The following TTN variants were observed in gnomAD, a reference collection of about 807,000 sequenced individuals.
The protein encoded by TTN is connectin.
TTN carries 1,525 observed loss-of-function variants against 3,223.0 expected under a neutral mutation model. That is an observed-to-expected ratio of 0.47 (90% confidence interval 0.45 to 0.49). The LOEUF (loss-of-function observed/expected upper bound fraction) is 0.49. Among genes scored for constraint, TTN ranks in the 20% least tolerant of loss-of-function variants. The probability of loss-of-function intolerance (pLI) is 0.00; values close to 1 mark genes in which losing one functional copy is unlikely to be tolerated. For missense variants in TTN, 40,786 were observed against 43,424.0 expected (o/e 0.94, Z 5.40); for synonymous variants, 14,094 against 15,161.0 (o/e 0.93, Z 5.17).
rs898421060 is a variant in TTN, at chr2:178,719,424, C to T, written c.23966G>A (p.Arg7989His). The change falls in exon 83 of 363, where the codon CGC becomes CAC. Residue 7989 changes from arginine to histidine, a missense_variant. Arg to His is a conservative substitution (Grantham distance 29). Transcript: ENST00000589042. ...SDRIVPPSFI[R>H]KLKDVNAILG... is the part of the protein sequence containing the mutation. ...GATGGCATTCACGTCTTTCAGCTTGCGGATGAAGGAAGGAGGCACAATCCG... is the reference window on the plus strand; with the variant it reads ...GATGGCATTCACGTCTTTCAGCTTGTGGATGAAGGAAGGAGGCACAATCCG... 13 of 1,612,700 alleles carry T rather than the reference C, an allele frequency of 8.1e-6. No homozygotes were observed. The highest frequency in any genetic ancestry group is 1.1e-5 in the South Asian group (1 of 91,024).
Position 178,751,776 on chromosome 2 carries a change from G to A in TTN, c.11311+1348C>T, listed in dbSNP as rs764724389. 2.2e-5 allele frequency: 36 copies of A among 1,612,908 alleles called. No homozygotes were observed. Among genetic ancestry groups the A allele is most frequent in the Middle Eastern group, 3.3e-4 (2 of 6,072 alleles). ...CGACGAAGACCTGTTGGGATGGGCC[G>A]ATTGTTATGAAACCAAGTCATTTCT... On this transcript the variant is annotated intron_variant, in intron 47 of 362. Transcript: ENST00000589042.
chr2:178,537,710 T>C lies in TTN; in HGVS notation c.99497A>G (p.Glu33166Gly). 1 of 1,613,812 alleles carries C rather than the reference T, an allele frequency of 6.2e-7. No individual in the cohort carries two copies. The highest frequency in any genetic ancestry group is 8.5e-7 in the Non-Finnish European group (1 of 1,179,774). Reference protein sequence around the residue: ...HTLTVMTEEQEDEGVYTCIAT... With the variant: ...HTLTVMTEEQGDEGVYTCIAT... ...TATGCAGGTATAAACACCTTCATCT[T>C]CCTGTTCCTCTGTCATTACTGTAAG... The change falls in exon 355 of 363, where the codon GAA becomes GGA. Residue 33166 changes from glutamate to glycine, a missense_variant. By Grantham distance (98) the Glu-to-Gly change is moderately conservative. Transcript: ENST00000589042.
chr2:178,779,667 C>T (rs1383684864), intron 22 of TTN, among the ~76,000 whole-genome samples: 1 of 152,152 alleles, frequency 6.6e-6, no homozygotes, highest in Non-Finnish European at 1.5e-5. Context: ...ATTCCAAAAG[C>T]AGGAGTTAGA....
Position 178,532,910 on chromosome 2 carries a change from T to A in TTN, c.103705A>T (p.Lys34569Ter), listed in dbSNP as rs1553490574. Residue 34569 changes from lysine (K) to a stop codon, truncating the protein, a stop_gained, in exon 358 of 363, where the codon AAG (lysine) becomes TAG (stop). Coordinates refer to ENST00000589042, the MANE Select transcript of TTN (RefSeq NM_001267550.2). LOFTEE classifies it high-confidence loss of function. Reference sequence around the variant, plus strand: ...TGATCACGTATCTTTTTATACCACTTCATGTCAGACATGGGCACGAACTGC... The same window carrying A: ...TGATCACGTATCTTTTTATACCACTACATGTCAGACATGGGCACGAACTGC... ...IKQFVPMSDM[K>*]WYKKIRDQYE... 4 of 1,613,972 alleles carry A rather than the reference T, an allele frequency of 2.5e-6. No homozygotes were observed. The highest frequency in any genetic ancestry group is 3.4e-6 in the Non-Finnish European group (4 of 1,179,870).
At chr2:178,691,185 T>C (rs2072319290) in intron 121 of TTN, among the ~76,000 whole-genome samples, 1 of 152,168 alleles carries the variant, frequency 6.6e-6, no homozygotes, top group South Asian at 2.1e-4. Flanking sequence ...GGGAACACTA[T>C]TCAAAATGTA....
Position 178,621,257 on chromosome 2 carries a change from C to T in TTN, c.45461G>A (p.Arg15154Lys). The change falls in exon 246 of 363, where the codon AGG (arginine) becomes AAG (lysine). Residue 15154 changes from arginine (R) to lysine (K), a missense_variant. Transcript: ENST00000589042. ...SKESFPVQWK[R>K]DDKTLESGDK... ...TCCAGATTCAAGTGTCTTATCATCC[C>T]TCTTCCACTGGACTGGAAAGCTTTC... 2 of 1,612,330 alleles carry T rather than the reference C, an allele frequency of 1.2e-6. No individual in the cohort carries two copies. Among genetic ancestry groups the T allele is most frequent in the Non-Finnish European group, 1.7e-6 (2 of 1,179,116 alleles).
Position 178,597,768 on chromosome 2 carries a change from T to C in TTN, c.57314A>G (p.His19105Arg). Residue 19105 changes from histidine to arginine, a missense_variant, in exon 294 of 363, where the codon CAT becomes CGT. Physicochemically the swap from His to Arg is conservative, Grantham distance 29 (BLOSUM62 0). Transcript: ENST00000589042. ...AATGATTCGGATCACCCCTCCAGCA[T>C]GGACAACAATTCTATCTCTGACACT... is the stretch of plus-strand genomic sequence containing the variant. Reference protein sequence around the residue: ...DASVRDRIVVHAGGVIRIIAY... With the variant: ...DASVRDRIVVRAGGVIRIIAY... 2 of 1,613,238 alleles carry C rather than the reference T, an allele frequency of 1.2e-6. No homozygotes were observed. The highest frequency in any genetic ancestry group is 1.7e-6 in the Non-Finnish European group (2 of 1,179,542).
At chr2:178,730,469 G>A (rs775364602) in intron 61 of TTN, 36 bp downstream of exon 61, 7 of 1,562,840 alleles carry the variant, frequency 4.5e-6, no homozygotes, top group African/African-American at 2.8e-5. Flanking sequence ...AAAATATTTT[G>A]TAAGTTCTTG....
Position 178,725,955 on chromosome 2 carries a change from C to T in TTN, c.20367G>A (p.Pro6789=), listed in dbSNP as rs368422028. The change falls in exon 70 of 363, where the codon CCG becomes CCA. Residue 6789 remains proline, a synonymous_variant. Coordinates refer to ENST00000589042, the MANE Select transcript of TTN (RefSeq NM_001267550.2). ...TGTCTTTGTACCATACCACCTCAAA[C>T]GGTGGTGTTCCCGAAAGTTCACATT... is the stretch of plus-strand genomic sequence containing the variant. ...SLECELSGTP[P]FEVVWYKDKR... is the part of the protein sequence containing the mutation. 78 of 1,612,290 alleles carry T rather than the reference C, an allele frequency of 4.8e-5. No individual in the cohort carries two copies. The highest frequency in any genetic ancestry group is 6.2e-5 in the Non-Finnish European group (73 of 1,179,100).
intron 111 of TTN, 48 bp downstream of exon 111, chr2:178,701,072 G>A: frequency 1.3e-6 from 2 of 1,583,860 alleles, no homozygotes; most frequent in Non-Finnish European, 1.7e-6. Flanking sequence ...TTTCGGGTCA[G>A]CAGAGTGAAA....
chr2:178,781,026 G>C (rs2092716938), intron 21 of TTN, 95 bp downstream of exon 21: 16 of 1,556,652 alleles, frequency 1.0e-5, no homozygotes, highest in South Asian at 2.3e-5. Context: ...ATCAGAACCA[G>C]TAAGTGGCAA....
chr2:178,576,802 C>T lies in TTN; in HGVS notation c.69442G>A (p.Val23148Ile), dbSNP rs777891798. The change falls in exon 325 of 363, where the codon GTA (valine) becomes ATA (isoleucine). Residue 23148 changes from valine (V) to isoleucine (I), a missense_variant. Physicochemically the swap from Val to Ile is conservative, Grantham distance 29 (BLOSUM62 3). Coordinates refer to ENST00000589042, the MANE Select transcript of TTN (RefSeq NM_001267550.2). The surrounding 1 kb of genome is among the most constrained non-coding windows in gnomAD (Gnocchi z 4.3). ...GPPGPPEKPEVSNVTKNTATV... is the reference protein window; with the variant it reads ...GPPGPPEKPEISNVTKNTATV... ...GCAGTGTTCTTAGTGACATTTGATA[C>T]CTCTGGTTTTTCAGGAGGGCCAGGG... The T allele has an allele frequency of 6.2e-7, 1 of 1,612,870 alleles. No individual in the cohort carries two copies. Among genetic ancestry groups the T allele is most frequent in the South Asian group, 1.1e-5 (1 of 90,788 alleles).
chr2:178,545,777 T>G, intron 343 of TTN, 43 bp downstream of exon 343: 1 of 1,601,380 alleles, frequency 6.2e-7, no homozygotes, highest in Non-Finnish European at 8.5e-7. Context: ...CCTGATTCTA[T>G]TACATTTCAA....
Position 178,779,283 on chromosome 2 carries a change from A to C in TTN, c.3909T>G (p.Leu1303=), listed in dbSNP as rs758404767. The C allele has an allele frequency of 3.0e-5, 49 of 1,613,688 alleles. No homozygotes were observed. The South Asian group carries it at 5.4e-4, about 18-fold the overall frequency. The change falls in exon 23 of 363, where the codon CTT becomes CTG. Residue 1303 remains leucine (L), a synonymous_variant. Coordinates refer to ENST00000589042, the MANE Select transcript of TTN (RefSeq NM_001267550.2). The part of the protein sequence containing the change: ...FDSRIKNYRI[L]EGMGVTFHCK... ...AATGAAAAGTGACACCCATCCCCTC[A>C]AGAATTCTATAATTCTTGATTCTTG...
rs1486530087 is a variant in TTN at position 178,613,190 on chromosome 2, G to A, written c.49619C>T (p.Thr16540Ile). The A allele has an allele frequency of 1.2e-6, 2 of 1,610,974 alleles. No individual in the cohort carries two copies. Among genetic ancestry groups the A allele is most frequent in the Admixed American group, 1.7e-5 (1 of 59,678 alleles). Residue 16540 changes from threonine to isoleucine, a missense_variant, in exon 264 of 363, where the codon ACT (threonine) becomes ATT (isoleucine). Transcript: ENST00000589042. ...LAGPGKPSKSTEPILIKDPID... is the reference protein window; with the variant it reads ...LAGPGKPSKSIEPILIKDPID... Reference sequence around the variant, plus strand: ...GGGATCCTTTATTAAGATTGGTTCAGTTGATTTGCTTGGTTTTCCAGGTCC... The same window carrying A: ...GGGATCCTTTATTAAGATTGGTTCAATTGATTTGCTTGGTTTTCCAGGTCC...
In TTN at chr2:178,724,095, C is replaced by A. The variant is rs1189873191; in HGVS notation, c.21164G>T (p.Gly7055Val). The change falls in exon 73 of 363, where the codon GGG becomes GTG. Residue 7055 changes from glycine (G) to valine (V), a missense_variant. By Grantham distance (109) the Gly-to-Val change is moderately radical. Transcript: ENST00000589042. ...CAAGATGCAAGAAGCACCTAACACC[C>A]CACCAGTATTTTTCAGTCTTCGTGT... Reference protein sequence around the residue: ...SFTRRLKNTGGVLGASCILEC... With the variant: ...SFTRRLKNTGVVLGASCILEC... 7 of 1,613,220 alleles carry A rather than the reference C, an allele frequency of 4.3e-6. No individual in the cohort carries two copies. The highest frequency in any genetic ancestry group is 5.9e-6 in the Non-Finnish European group (7 of 1,179,472).
chr2:178,700,980 C>T (rs976856480), intron 111 of TTN, 140 bp downstream of exon 111: 4 of 581,942 alleles, frequency 6.9e-6, no homozygotes, highest in African/African-American at 3.8e-5. Context: ...TTAGCTAATA[C>T]TTTGAGAAAG....
rs771681725 is a variant in TTN, at chr2:178,622,027, G to T, written c.44914-19C>A. 5 of 1,579,754 alleles carry T rather than the reference G, an allele frequency of 3.2e-6. No homozygotes were observed. The highest frequency in any genetic ancestry group is 1.8e-5 in the Admixed American group (1 of 55,266). On this transcript the variant is annotated intron_variant, in intron 243 of 362. Coordinates refer to ENST00000589042, the MANE Select transcript of TTN (RefSeq NM_001267550.2). ...ACTTAACCTATATTTAAGATAAATAGATTATCAGTTTTCTTGTTGTTCCTT... is the reference window on the plus strand; with the variant it reads ...ACTTAACCTATATTTAAGATAAATATATTATCAGTTTTCTTGTTGTTCCTT...
At position 178,730,954 on chromosome 2, in the gene TTN, C is replaced by T. The variant is rs1234235732; in HGVS notation, c.17711G>A (p.Ser5904Asn). The change falls in exon 60 of 363, where the codon AGC (serine) becomes AAC (asparagine). Residue 5904 changes from serine to asparagine, a missense_variant. Coordinates refer to ENST00000589042, the MANE Select transcript of TTN (RefSeq NM_001267550.2). Reference protein sequence around the residue: ...TFEVQNDVGRSSCKARINVLD... With the variant: ...TFEVQNDVGRNSCKARINVLD... ...TACATTAATTCTAGCCTTGCAGCTG[C>T]TCCTCCCAACATCATTTTGGACCTC... is the stretch of plus-strand genomic sequence containing the variant. 6.2e-7 allele frequency: 1 copy of T among 1,609,622 alleles called. No individual in the cohort carries two copies. The highest frequency in any genetic ancestry group is 1.7e-5 in the Admixed American group (1 of 59,830).
Sources: allele counts gnomAD v4.1 joint callset (sites outside exome capture counted in the v4.1 genomes callset), GRCh38; gene constraint gnomAD v4.1.1; non-coding constraint Gnocchi (gnomAD v3.1); transcripts MANE v1.5; gene names NCBI Gene and HGNC (gene_info 2026-07-23, HGNC 2026-07-21).